The following EYS variants were observed in gnomAD, a reference collection of about 807,000 sequenced individuals.
EYS encodes the protein protein eyes shut homolog.
Under a neutral mutation model 282.1 loss-of-function variants are expected in EYS, and 250 were observed. The ratio of observed to expected loss-of-function variants is 0.89; its 90% confidence interval spans 0.80 to 0.98. The LOEUF (loss-of-function observed/expected upper bound fraction) is 0.98. EYS is among the 50% of genes least tolerant of loss of function. The probability of loss-of-function intolerance (pLI) is 0.00; values close to 1 mark genes in which losing one functional copy is unlikely to be tolerated. For missense variants in EYS, 4,016 were observed against 3,709.0 expected (o/e 1.08, Z -2.15); for synonymous variants, 1,355 against 1,282.9 (o/e 1.06, Z -1.20).
intron 13 of EYS, among the ~76,000 whole-genome samples, chr6:65,035,923 AT>A (rs1319654915): frequency 6.8e-6 from 1 of 147,486 alleles, no homozygotes; most frequent in Non-Finnish European, 1.5e-5. Context: ...AGTGTTATAT[AT>A]TATATATTAC....
intron 2 of EYS, among the ~76,000 whole-genome samples, chr6:65,497,941 T>G (rs954033185): frequency 3.3e-5 from 5 of 151,982 alleles, no homozygotes; most frequent in African/African-American, 1.2e-4. Context: ...TGAGTGCAAT[T>G]AAAAGAATTG....
chr6:63,860,351 G>T (rs1204295133), intron 36 of EYS, among the ~76,000 whole-genome samples: 2 of 152,184 alleles, frequency 1.3e-5, no homozygotes, highest in Non-Finnish European at 2.9e-5. Context: ...ATAACCTCCA[G>T]CTTTTCTGAT....
At chr6:65,216,829 TG>T in intron 12 of EYS, among the ~76,000 whole-genome samples, 1 of 152,088 alleles carries the variant, frequency 6.6e-6, no homozygotes, top group South Asian at 2.1e-4. Context: ...TTATTTTTGA[TG>T]ATATGCTTTT....
intron 22 of EYS, among the ~76,000 whole-genome samples, chr6:64,803,631 T>C (rs1259360404): frequency 6.6e-6 from 1 of 152,130 alleles, no homozygotes; most frequent in Non-Finnish European, 1.5e-5. Context: ...AGGCTGTTCT[T>C]GTGGAGGGGC....
chr6:64,179,778 G>A (rs1412661190), intron 31 of EYS, among the ~76,000 whole-genome samples: 1 of 151,992 alleles, frequency 6.6e-6, no homozygotes, highest in South Asian at 2.1e-4. Context: ...ACTGAACTTA[G>A]GAGCTGATTC....
At chr6:63,760,884 T>C (rs2149654773) in intron 41 of EYS, among the ~76,000 whole-genome samples, 1 of 152,056 alleles carries the variant, frequency 6.6e-6, no homozygotes, top group Middle Eastern at 3.4e-3. Flanking sequence ...TTACGTTACT[T>C]GTCATATTAT....
intron 31 of EYS, among the ~76,000 whole-genome samples, chr6:64,160,602 C>A (rs1775074358): frequency 6.6e-6 from 1 of 152,186 alleles, no homozygotes. Context: ...GGGCCCTCTG[C>A]TGAATTCATT....
At chr6:65,364,600 T>G (rs896506819) in intron 8 of EYS, among the ~76,000 whole-genome samples, 1 of 151,560 alleles carries the variant, frequency 6.6e-6, no homozygotes, top group Non-Finnish European at 1.5e-5. Flanking sequence ...AATTTTATAA[T>G]TATTTCAGAT....
intron 1 of EYS, among the ~76,000 whole-genome samples, chr6:65,663,964 C>T (rs9363416): frequency 0.55 from 80,189 of 147,100 alleles, 23,922 homozygotes; most frequent in East Asian, 0.78. Flanking sequence ...CTCCGCCTCA[C>T]GGGTTCAGGC....
chr6:63,813,180 G>A (rs947876732), intron 36 of EYS, among the ~76,000 whole-genome samples: 4 of 151,956 alleles, frequency 2.6e-5, no homozygotes, highest in Non-Finnish European at 4.4e-5. Context: ...GGGTTTCACC[G>A]TGTTGCCCAG....
intron 22 of EYS, among the ~76,000 whole-genome samples, chr6:64,742,504 G>C (rs1772409877): frequency 6.6e-6 from 1 of 152,172 alleles, no homozygotes; most frequent in Non-Finnish European, 1.5e-5. Flanking sequence ...TCGCTATCTT[G>C]AAGTGTAATA....
At chr6:65,339,743 G>A (rs1054559646) in intron 10 of EYS, among the ~76,000 whole-genome samples, 1 of 151,120 alleles carries the variant, frequency 6.6e-6, no homozygotes, top group Non-Finnish European at 1.5e-5. Context: ...TGCTCTGTGA[G>A]TAGGCCTTCT....
chr6:64,027,008 C>T (rs111873742), intron 33 of EYS, among the ~76,000 whole-genome samples: 2,643 of 152,256 alleles, frequency 0.017, 72 homozygotes, highest in African/African-American at 0.05. Context: ...TTAGATCAAA[C>T]GCTGGCCTTT....
In EYS at chr6:63,864,202, T is replaced by C. The variant is rs1178964789; in HGVS notation, c.7212A>G (p.Gly2404=). The change falls in exon 36 of 43, where the codon GGA becomes GGG. Residue 2404 remains glycine (G), a synonymous_variant. Transcript: ENST00000503581. The stretch of plus-strand genomic sequence containing the variant: ...TGCTCTTACCATCAGTGCAGAGGGG[T>C]CCAGACCTCCCATATGGGCAGAGGC... The part of the protein sequence containing the change: ...IVCLCPYGRS[G]PLCTDAINIT... The C allele has an allele frequency of 2.6e-6, 4 of 1,540,868 alleles. No homozygotes were observed. Among genetic ancestry groups the C allele is most frequent in the Non-Finnish European group, 3.5e-6 (4 of 1,140,288 alleles).
At chr6:64,121,748 A>C (rs1582299911) in intron 31 of EYS, among the ~76,000 whole-genome samples, 1 of 152,162 alleles carries the variant, frequency 6.6e-6, no homozygotes, top group Admixed American at 6.5e-5. Context: ...TACCCTTCTT[A>C]AAGTACCAGT....
At chr6:64,661,247 T>C (rs1769004831) in intron 22 of EYS, among the ~76,000 whole-genome samples, 1 of 152,178 alleles carries the variant, frequency 6.6e-6, no homozygotes, top group Non-Finnish European at 1.5e-5. Context: ...CAAGATGGAT[T>C]AGAGACTTAC....
rs1178838820 is a variant in EYS at position 64,590,923 on chromosome 6, G to T, written c.4944C>A (p.Ser1648=). The change falls in exon 26 of 43, where the codon TCC becomes TCA. Residue 1648 remains serine, a synonymous_variant. Transcript: ENST00000503581. ...RTILSSSLEE[S]ITLSSNLDVN... ...CATCCAAATTACTTGATAGGGTAAT[G>T]GATTCTTCCAAGGATGAGGATAAAA... 1.3e-6 allele frequency: 2 copies of T among 1,550,318 alleles called. No homozygotes were observed. Among genetic ancestry groups the T allele is most frequent in the African/African-American group, 2.7e-5 (2 of 72,978 alleles).
chr6:64,906,297 AT>A (rs1349603727), intron 16 of EYS, among the ~76,000 whole-genome samples: 1 of 152,002 alleles, frequency 6.6e-6, no homozygotes, highest in Admixed American at 6.5e-5. Context: ...AAGAGCTAAT[AT>A]TTTAGAAAGT....
intron 5 of EYS, among the ~76,000 whole-genome samples, chr6:65,422,323 A>G (rs1322303194): frequency 6.6e-6 from 1 of 151,926 alleles, no homozygotes; most frequent in Non-Finnish European, 1.5e-5. Flanking sequence ...AATGTACCAT[A>G]TTTAATTCTA....
Sources: allele counts gnomAD v4.1 joint callset (sites outside exome capture counted in the v4.1 genomes callset), GRCh38; gene constraint gnomAD v4.1.1; transcripts MANE v1.5; gene names NCBI Gene and HGNC (gene_info 2026-07-23, HGNC 2026-07-21).